ADAMTS12: variants seen among roughly 807,000 people sequenced by gnomAD.
ADAMTS12 encodes ADAM metallopeptidase with thrombospondin type 1 motif 12, also known as A disintegrin and metalloproteinase with thrombospondin motifs 12.
A neutral mutation model predicts 167.8 loss-of-function variants in ADAMTS12; 118 were observed. That is an observed-to-expected ratio of 0.70 (90% CI 0.61 to 0.82). ADAMTS12 has a LOEUF of 0.82. Among genes scored for constraint, ADAMTS12 ranks in the 40% least tolerant of loss-of-function variants. The pLI is 0.00. For missense variants in ADAMTS12, 1,916 were observed against 1,998.8 expected (o/e 0.96, Z 0.79); for synonymous variants, 704 against 716.9 (o/e 0.98, Z 0.29).
chr5:33,696,150 C>T (rs1457513331), intron 3 of ADAMTS12, among the ~76,000 whole-genome samples: 2 of 152,104 alleles, frequency 1.3e-5, no homozygotes, highest in Non-Finnish European at 2.9e-5. Context: ...AGCTGGGCGT[C>T]GTGGCTCATG....
At chr5:33,581,517 A>C (rs1747064841) in intron 18 of ADAMTS12, among the ~76,000 whole-genome samples, 1 of 152,186 alleles carries the variant, frequency 6.6e-6, no homozygotes, top group Non-Finnish European at 1.5e-5. Context: ...TTATTCGAAA[A>C]CACAGTCGGA....
intron 2 of ADAMTS12, among the ~76,000 whole-genome samples, chr5:33,842,182 T>C (rs566261760): frequency 4.5e-4 from 69 of 152,216 alleles, no homozygotes; most frequent in African/African-American, 1.6e-3. Context: ...GCCCAGCGAG[T>C]CATTGGAAAC....
chr5:33,607,205 C>A (rs1208025905), intron 16 of ADAMTS12, among the ~76,000 whole-genome samples: 4 of 150,032 alleles, frequency 2.7e-5, no homozygotes, highest in African/African-American at 9.8e-5. Flanking sequence ...ATTCAGCACT[C>A]TGTGACAGGC....
intron 5 of ADAMTS12, among the ~76,000 whole-genome samples, chr5:33,669,486 T>C (rs910708610): frequency 2.0e-5 from 3 of 152,172 alleles, no homozygotes; most frequent in African/African-American, 4.8e-5. Flanking sequence ...ACTGTGTGTG[T>C]TTATTGTGTG....
rs1000859154 is a variant in ADAMTS12, at chr5:33,727,151, G to A, written c.634+24253C>T. On this transcript the variant is annotated intron_variant, in intron 3 of 23. Coordinates refer to ENST00000504830, the MANE Select transcript of ADAMTS12 (RefSeq NM_030955.4). Reference sequence around the variant, plus strand: ...GACACTGCAGAGACAGGATCACCAAGCGCAAAAGCAAGGCAGGGTTGGCCC... The same window carrying A: ...GACACTGCAGAGACAGGATCACCAAACGCAAAAGCAAGGCAGGGTTGGCCC... Among the ~76,000 whole-genome samples the A allele has an allele frequency of 2.6e-5, 4 of 152,118 alleles. No individual in the cohort carries two copies. In the South Asian group the frequency reaches 8.3e-4, roughly 32 times the overall value.
At position 33,614,333 on chromosome 5, in the gene ADAMTS12, G is replaced by A; in HGVS notation, c.2432C>T (p.Thr811Ile). Residue 811 changes from threonine to isoleucine, a missense_variant, in exon 16 of 24, where the codon ACA (threonine) becomes ATA (isoleucine). Coordinates refer to ENST00000504830, the MANE Select transcript of ADAMTS12 (RefSeq NM_030955.4). ...ATTGTCAAGGCCATCTTTCTGGATT[G>A]TGTACTCATACTTGATGCCAGGGTT... ...VTNPGIKYEY[T>I]IQKDGLDNDV... 3 of 1,614,096 alleles carry A rather than the reference G, an allele frequency of 1.9e-6. No homozygotes were observed. The highest frequency in any genetic ancestry group is 2.5e-6 in the Non-Finnish European group (3 of 1,179,968).
chr5:33,615,758 T>A, intron 15 of ADAMTS12, 70 bp downstream of exon 15: 1 of 1,584,478 alleles, frequency 6.3e-7, no homozygotes, highest in Middle Eastern at 1.8e-4. Context: ...CCCTAGCAAG[T>A]ACCTTGGGGA....
rs559922698 is a variant in ADAMTS12 at position 33,670,571 on chromosome 5, G to A, written c.916-8531C>T. The stretch of plus-strand genomic sequence containing the variant: ...AGCCTGGCCAACATGGTGAAACCCC[G>A]TCCCTATCAAAAGTACAAAAATTAG... On this transcript the variant is annotated intron_variant, in intron 5 of 23. Coordinates refer to ENST00000504830, the MANE Select transcript of ADAMTS12 (RefSeq NM_030955.4). 5.3e-5 allele frequency among the ~76,000 whole-genome samples: 8 copies of A among 152,198 alleles called. No homozygotes were observed. In the South Asian group the frequency reaches 8.3e-4, roughly 16 times the overall value.
Position 33,643,361 on chromosome 5 carries a change from T to G in ADAMTS12, c.1572+17A>C, listed in dbSNP as rs778489533. The G allele has an allele frequency of 8.1e-6, 13 of 1,613,798 alleles. No individual in the cohort carries two copies. Among genetic ancestry groups the G allele is most frequent in the Non-Finnish European group, 1.1e-5 (13 of 1,179,772 alleles). On this transcript the variant is annotated intron_variant, in intron 10 of 23. Transcript: ENST00000504830. ...GCCCACCGCCCTCCCACCTCATTCC[T>G]CGGCCTGACGCATCACCTTCTTCTC...
At chr5:33,619,939 C>T (rs1739225935) in intron 14 of ADAMTS12, among the ~76,000 whole-genome samples, 2 of 152,320 alleles carry the variant, frequency 1.3e-5, no homozygotes, top group Non-Finnish European at 2.9e-5. Flanking sequence ...GTGATCTGCC[C>T]TCCTCGGCCT....
At chr5:33,666,658 A>G (rs1393692451) in intron 5 of ADAMTS12, among the ~76,000 whole-genome samples, 1 of 152,056 alleles carries the variant, frequency 6.6e-6, no homozygotes, top group Non-Finnish European at 1.5e-5. Context: ...ATGACCAGCT[A>G]ATTTTTGTAT....
intron 16 of ADAMTS12, among the ~76,000 whole-genome samples, chr5:33,611,837 T>C (rs80304680): frequency 0.12 from 18,798 of 152,182 alleles, 1,432 homozygotes; most frequent in Middle Eastern, 0.23. Flanking sequence ...GTAATGTACA[T>C]AAATGCATCC....
In ADAMTS12 at chr5:33,804,224, C is replaced by T. The variant is rs1346471408; in HGVS notation, c.490-52676G>A. On this transcript the variant is annotated intron_variant, in intron 2 of 23. Transcript: ENST00000504830. ...TCATATATATTCCCTTCCTCTTCCCCCATCTTCATATATAGAGTTCCCTGC... is the reference window on the plus strand; with the variant it reads ...TCATATATATTCCCTTCCTCTTCCCTCATCTTCATATATAGAGTTCCCTGC... Among the ~76,000 whole-genome samples, 4 of 152,186 alleles carry T rather than the reference C, an allele frequency of 2.6e-5. No homozygotes were observed. In the East Asian group the frequency reaches 7.7e-4, roughly 29 times the overall value.
intron 3 of ADAMTS12, among the ~76,000 whole-genome samples, chr5:33,734,938 A>G (rs193248570): frequency 6.6e-6 from 1 of 152,368 alleles, no homozygotes; most frequent in East Asian, 1.9e-4. Flanking sequence ...ACCTTACTGC[A>G]AGATACCTTG....
intron 2 of ADAMTS12, among the ~76,000 whole-genome samples, chr5:33,854,242 C>T (rs1561310041): frequency 6.6e-6 from 1 of 152,150 alleles, no homozygotes; most frequent in African/African-American, 2.4e-5. Context: ...AAGGGATTAG[C>T]TCTCTTTAAT....
intron 2 of ADAMTS12, among the ~76,000 whole-genome samples, chr5:33,773,969 A>G (rs1745829419): frequency 6.6e-6 from 1 of 152,162 alleles, no homozygotes; most frequent in Non-Finnish European, 1.5e-5. Context: ...CATCCGCCTC[A>G]CCTACAAAAG....
intron 2 of ADAMTS12, among the ~76,000 whole-genome samples, chr5:33,860,282 T>A (rs979171735): frequency 3.9e-5 from 6 of 152,080 alleles, no homozygotes; most frequent in Non-Finnish European, 7.3e-5. Context: ...GTTAGAGGAA[T>A]TGCTAACTAG....
intron 19 of ADAMTS12, among the ~76,000 whole-genome samples, chr5:33,572,753 A>G (rs1746454134): frequency 6.7e-6 from 1 of 148,516 alleles, no homozygotes; most frequent in Non-Finnish European, 1.5e-5. Flanking sequence ...GGCCAGGGCA[A>G]TTAGGCAGGA....
chr5:33,627,315 T>C (rs2112134334), intron 13 of ADAMTS12, among the ~76,000 whole-genome samples: 1 of 147,958 alleles, frequency 6.8e-6, no homozygotes, highest in South Asian at 2.2e-4. Flanking sequence ...ATGATGGTGG[T>C]GGGGATGGTT....
Sources: allele counts gnomAD v4.1 joint callset (sites outside exome capture counted in the v4.1 genomes callset), GRCh38; gene constraint gnomAD v4.1.1; transcripts MANE v1.5; gene names NCBI Gene and HGNC (gene_info 2026-07-23, HGNC 2026-07-21).